Variants in VSIG10 observed in about 807,000 individuals in gnomAD.
VSIG10 encodes V-set and immunoglobulin domain containing 10.
Under a neutral mutation model 58.7 loss-of-function variants are expected in VSIG10, and 48 were observed. The observed-to-expected ratio is 0.82, with a 90% CI of 0.65 to 1.04. The LOEUF (loss-of-function observed/expected upper bound fraction) is 1.04, where lower values mean the gene tolerates loss of function less well. Among genes scored for constraint, VSIG10 ranks in the 50% least tolerant of loss-of-function variants. The pLI is 0.00. For synonymous variants in VSIG10, 260 were observed against 267.1 expected, an observed-to-expected ratio of 0.97 and a Z score of 0.26; for missense variants, 628 against 670.0, an observed-to-expected ratio of 0.94 and a Z score of 0.69.
chr12:118,083,968 G>T (rs573460341), intron 2 of VSIG10, among the ~76,000 whole-genome samples: 1 of 152,114 alleles, frequency 6.6e-6, no homozygotes, highest in East Asian at 1.9e-4. Context: ...AAACACCAAA[G>T]AATTTGCCAG....
rs757650961 is a variant in VSIG10, at chr12:118,089,586, C to A, written c.361+5947G>T. Among the ~76,000 whole-genome samples the A allele has an allele frequency of 4.9e-4, 75 of 152,132 alleles. 2 individuals carry two copies. Among genetic ancestry groups the A allele is most frequent in the Middle Eastern group, 3.2e-3 (1 of 316 alleles). On this transcript the variant is annotated intron_variant, in intron 2 of 8. Coordinates refer to ENST00000359236, the MANE Select transcript of VSIG10 (RefSeq NM_019086.6). ...TCACAGTGGGAACCAAACAGTGGGG[C>A]CAAGATGGGTGACATTTTTTAATGC...
chr12:118,071,223 T>C (rs2032477171), intron 6 of VSIG10, 136 bp downstream of exon 6: 6 of 1,180,972 alleles, frequency 5.1e-6, no homozygotes, highest in South Asian at 1.3e-5. Context: ...AGGTGACTTA[T>C]TACTGTGTAT....
intron 2 of VSIG10, among the ~76,000 whole-genome samples, chr12:118,093,226 GAGGTGGA>G (rs1224861998): frequency 6.6e-6 from 1 of 151,674 alleles, no homozygotes; most frequent in Non-Finnish European, 1.5e-5. Flanking sequence ...ATCAACCCGG[GAGGTGGA>G]GCTTGCAGTG....
chr12:118,082,093 G>C, intron 3 of VSIG10, 34 bp downstream of exon 3: 2 of 1,598,952 alleles, frequency 1.3e-6, no homozygotes, highest in Non-Finnish European at 1.7e-6. Context: ...GGGTTAAGGG[G>C]AAGAAGCGGG....
At chr12:118,103,524 C>T in intron 1 of VSIG10, 69 bp downstream of exon 1, 1 of 1,425,356 alleles carries the variant, frequency 7.0e-7, no homozygotes, top group Non-Finnish European at 9.3e-7. Context: ...GGAATTGGGT[C>T]TCTCGCTGTC....
intron 5 of VSIG10, 44 bp downstream of exon 5, chr12:118,073,655 A>G: frequency 3.2e-6 from 5 of 1,550,770 alleles, no homozygotes; most frequent in Non-Finnish European, 4.4e-6. Flanking sequence ...GGGTGCTCTG[A>G]AGCTCTGAAC....
intron 2 of VSIG10, 85 bp from the exon 3 acceptor site, chr12:118,082,514 AG>A: frequency 7.4e-7 from 1 of 1,349,274 alleles, no homozygotes; most frequent in Non-Finnish European, 1.0e-6. Flanking sequence ...ATAAATGAAC[AG>A]AAAATAGCCA....
intron 7 of VSIG10, among the ~76,000 whole-genome samples, chr12:118,069,775 A>C (rs909236098): frequency 2.0e-5 from 3 of 152,166 alleles, no homozygotes; most frequent in African/African-American, 7.2e-5. Context: ...CAGGTCAGTC[A>C]CCTGCCCGAG....
chr12:118,093,782 G>A (rs1437541583), intron 2 of VSIG10, among the ~76,000 whole-genome samples: 6 of 151,934 alleles, frequency 3.9e-5, no homozygotes, highest in Non-Finnish European at 7.4e-5. Flanking sequence ...GTTGGCAGGC[G>A]CCTGTAATCC....
intron 2 of VSIG10, among the ~76,000 whole-genome samples, chr12:118,086,905 CGT>C (rs2033143390): frequency 6.6e-6 from 1 of 151,986 alleles, no homozygotes; most frequent in East Asian, 1.9e-4. Context: ...AGATGACAGG[CGT>C]GTGTCACCAC....
intron 5 of VSIG10, among the ~76,000 whole-genome samples, chr12:118,071,869 T>C (rs2032508808): frequency 3.9e-5 from 6 of 152,226 alleles, no homozygotes; most frequent in Admixed American, 3.9e-4. Context: ...GGAAGCACTA[T>C]TTAAGAATTG....
chr12:118,068,837 T>C (rs1465984468), intron 7 of VSIG10, among the ~76,000 whole-genome samples: 2 of 152,156 alleles, frequency 1.3e-5, no homozygotes, highest in African/African-American at 2.4e-5. Context: ...GACCATATTG[T>C]CCCAGGCATC....
At chr12:118,101,246 ACACAGT>A (rs1330638413) in intron 1 of VSIG10, among the ~76,000 whole-genome samples, 3 of 152,196 alleles carry the variant, frequency 2.0e-5, no homozygotes, top group Non-Finnish European at 4.4e-5. Context: ...GTGGAAAAGA[ACACAGT>A]CATCGATTTA....
intron 3 of VSIG10, among the ~76,000 whole-genome samples, chr12:118,080,746 T>C (rs1005774815): frequency 6.6e-6 from 1 of 151,992 alleles, no homozygotes; most frequent in African/African-American, 2.4e-5. Context: ...CTCAAAAACA[T>C]GAAGCCAGGT....
chr12:118,072,333 C>T (rs1364035078), intron 5 of VSIG10, among the ~76,000 whole-genome samples: 2 of 148,028 alleles, frequency 1.4e-5, no homozygotes, highest in East Asian at 2.0e-4. Flanking sequence ...GGCACAGCGG[C>T]GGGCGCCTGC....
chr12:118,080,584 C>A (rs920935985), intron 3 of VSIG10, among the ~76,000 whole-genome samples: 1 of 152,128 alleles, frequency 6.6e-6, no homozygotes, highest in African/African-American at 2.4e-5. Context: ...CTAGAGGGCC[C>A]GGTGCCTATG....
chr12:118,079,450 AC>A lies in VSIG10; in HGVS notation c.820del (p.Val274TrpfsTer4), dbSNP rs1425511082. Reference sequence around the variant, plus strand: ...CAGCTGGGACTCGCTCAGCATTTCCACCCCCAGCTTTGACTTCCCCACGATT... The same window carrying A: ...CAGCTGGGACTCGCTCAGCATTTCCACCCCAGCTTTGACTTCCCCACGATT... ...GVIVGKSKLG[V>X]EMLSESQLSD... On this transcript the variant is annotated frameshift_variant, in exon 4 of 9. Transcript: ENST00000359236. LOFTEE classifies it high-confidence loss of function. 6.2e-7 allele frequency: 1 copy of A among 1,613,740 alleles called. No individual in the cohort carries two copies. The highest frequency in any genetic ancestry group is 8.5e-7 in the Non-Finnish European group (1 of 1,179,834).
rs1242199266 is a variant in VSIG10 at position 118,063,898 on chromosome 12, G to A, written c.*2741C>T. On this transcript the variant is annotated 3_prime_UTR_variant, in exon 9 of 9. Coordinates refer to ENST00000359236, the MANE Select transcript of VSIG10 (RefSeq NM_019086.6). The stretch of plus-strand genomic sequence containing the variant: ...GGGCTTGTATGTGCTTGTGAGAATT[G>A]GGGCTAATATCAAAGCCACAGAATT... The A allele has an allele frequency of 6.6e-6, 1 of 152,094 alleles. No homozygotes were observed. Among genetic ancestry groups the A allele is most frequent in the Non-Finnish European group, 1.5e-5 (1 of 68,018 alleles). The allele number at this position is 152,094 out of a possible 1,614,324, so 9.4% of individuals were successfully genotyped here. A position where few individuals can be genotyped will look rare whatever the true frequency, so the allele number is the denominator to read the frequency against.
chr12:118,096,993 T>G (rs923701703), intron 1 of VSIG10, among the ~76,000 whole-genome samples: 2 of 152,044 alleles, frequency 1.3e-5, no homozygotes, highest in Admixed American at 1.3e-4. Flanking sequence ...GAGCCGAGAT[T>G]GCGCCACTGT....
Sources: allele counts gnomAD v4.1 joint callset (sites outside exome capture counted in the v4.1 genomes callset), GRCh38; gene constraint gnomAD v4.1.1; transcripts MANE v1.5; gene names NCBI Gene and HGNC (gene_info 2026-07-23, HGNC 2026-07-21).